The following PCDHA6 variants were observed in gnomAD, a reference collection of about 807,000 sequenced individuals.
The protein encoded by PCDHA6 is protocadherin alpha-6.
In PCDHA6, 55 loss-of-function variants were observed where a neutral mutation model predicts 60.3. The observed-to-expected ratio is 0.91, with a 90% CI of 0.73 to 1.14. PCDHA6 has a LOEUF of 1.14. Among genes scored for constraint, PCDHA6 ranks in the 50% most tolerant of loss-of-function variants. The pLI is 0.00. For synonymous variants in PCDHA6, 652 were observed against 557.9 expected (o/e 1.17, Z -2.38); for missense variants, 1,327 against 1,256.5 (o/e 1.06, Z -0.85).
chr5:140,956,599 G>A (rs782510228), intron 1 of PCDHA6, among the ~76,000 whole-genome samples: 4 of 152,186 alleles, frequency 2.6e-5, no homozygotes, highest in Non-Finnish European at 5.9e-5. Flanking sequence ...AGGGATATCA[G>A]CTGGAAGTTT....
chr5:141,009,178 G>A (rs1233603015), intron 3 of PCDHA6, among the ~76,000 whole-genome samples: 1 of 152,212 alleles, frequency 6.6e-6, no homozygotes, highest in African/African-American at 2.4e-5. Context: ...GCCTTGGCTG[G>A]GTGTGGTAGC....
chr5:140,852,931 T>G (rs1554146230), intron 1 of PCDHA6: 1 of 623,668 alleles, frequency 1.6e-6, no homozygotes, highest in Non-Finnish European at 2.1e-6. Flanking sequence ...CAGGCTGGAG[T>G]GCAGTGGTGC....
At chr5:140,976,833 C>T (rs2096733011) in intron 1 of PCDHA6, among the ~76,000 whole-genome samples, 1 of 152,140 alleles carries the variant, frequency 6.6e-6, no homozygotes, top group Non-Finnish European at 1.5e-5. Flanking sequence ...ATGAGCAAAA[C>T]AGATATAATC....
rs552604909 is a variant in PCDHA6, at chr5:141,005,474, C to T, written c.2543-4153C>T. ...ATCCCAGCACTTTGGGAGGCCGAGACGGGCGGATCATGAGGTCAGGAGATC... is the reference window on the plus strand; with the variant it reads ...ATCCCAGCACTTTGGGAGGCCGAGATGGGCGGATCATGAGGTCAGGAGATC... On this transcript the variant is annotated intron_variant, in intron 3 of 3. Coordinates refer to ENST00000529310, the MANE Select transcript of PCDHA6 (RefSeq NM_018909.4). 1.6e-3 allele frequency among the ~76,000 whole-genome samples: 236 copies of T among 151,848 alleles called. 1 individual carries two copies. The highest frequency in any genetic ancestry group is 4.9e-3 in the African/African-American group (204 of 41,424).
chr5:140,878,047 G>A lies in PCDHA6; in HGVS notation c.2394+47562G>A, dbSNP rs574540860. On this transcript the variant is annotated intron_variant, in intron 1 of 3. Transcript: ENST00000529310. Reference sequence around the variant, plus strand: ...ATGTAGGTACAATGGAGGCCATGGAGCACCACACTTAATATTTTTCTTTTT... The same window carrying A: ...ATGTAGGTACAATGGAGGCCATGGAACACCACACTTAATATTTTTCTTTTT... The A allele has an allele frequency of 1.7e-4, 84 of 491,464 alleles. No homozygotes were observed. In the South Asian group the frequency reaches 4.9e-3, roughly 29 times the overall value. 30.4% of individuals were successfully genotyped at this position (491,464 alleles called of 1,614,324 possible).
chr5:140,876,979 G>T lies in PCDHA6; in HGVS notation c.2394+46494G>T. ...GGTGGAGCGGCGGGTGGGCGAGCAC[G>T]CACTGTCGAGCTACGTGTCGGTGCA... On this transcript the variant is annotated intron_variant, in intron 1 of 3. Transcript: ENST00000529310. The T allele has an allele frequency of 2.5e-6, 4 of 1,612,614 alleles. No homozygotes were observed. The South Asian group carries it at 3.3e-5, about 13-fold the overall frequency.
intron 1 of PCDHA6, among the ~76,000 whole-genome samples, chr5:140,975,953 T>A (rs1554237158): frequency 6.6e-6 from 1 of 152,084 alleles, no homozygotes; most frequent in Non-Finnish European, 1.5e-5. Context: ...CATATTAGAG[T>A]TCTTCACCAA....
At chr5:141,007,974 A>G (rs2098354254) in intron 3 of PCDHA6, among the ~76,000 whole-genome samples, 1 of 152,220 alleles carries the variant, frequency 6.6e-6, no homozygotes, top group Non-Finnish European at 1.5e-5. Flanking sequence ...GGTGTCTGTC[A>G]TGTATATATG....
intron 1 of PCDHA6, among the ~76,000 whole-genome samples, chr5:140,978,727 G>A (rs1382730289): frequency 1.3e-5 from 2 of 152,198 alleles, no homozygotes; most frequent in South Asian, 2.1e-4. Flanking sequence ...TATTAAATCT[G>A]GTCTTCCAGG....
intron 1 of PCDHA6, chr5:140,868,934 G>T: frequency 2.7e-6 from 3 of 1,116,548 alleles, no homozygotes; most frequent in African/African-American, 1.6e-5. Context: ...TTTAAAGGTT[G>T]GTCTGAACAG....
At chr5:140,955,652 A>T (rs1452679583) in intron 1 of PCDHA6, among the ~76,000 whole-genome samples, 2 of 152,180 alleles carry the variant, frequency 1.3e-5, no homozygotes, top group African/African-American at 4.8e-5. Context: ...ATTAATACAC[A>T]TATGAATTTT....
chr5:140,920,456 T>C (rs2079640226), intron 1 of PCDHA6, among the ~76,000 whole-genome samples: 1 of 152,192 alleles, frequency 6.6e-6, no homozygotes, highest in African/African-American at 2.4e-5. Flanking sequence ...AATTGACAAA[T>C]TTGTTATATT....
At chr5:140,946,077 C>T (rs246055) in intron 1 of PCDHA6, among the ~76,000 whole-genome samples, 85,716 of 151,878 alleles carry the variant, frequency 0.56, 24,786 homozygotes, top group African/African-American at 0.69. Context: ...TTGCAAACCA[C>T]AGATCTGATA....
intron 1 of PCDHA6, among the ~76,000 whole-genome samples, chr5:140,898,159 G>A (rs377677002): frequency 1.3e-5 from 2 of 151,916 alleles, no homozygotes; most frequent in South Asian, 2.1e-4. Context: ...CGCTGATGGT[G>A]GTTTCTTTTG....
At chr5:140,856,865 A>G in intron 1 of PCDHA6, 2 of 1,595,810 alleles carry the variant, frequency 1.3e-6, no homozygotes, top group African/African-American at 1.3e-5. Context: ...TGAAGGAATA[A>G]ACAAGGAAAT....
At chr5:141,003,039 T>C (rs2098108520) in intron 3 of PCDHA6, among the ~76,000 whole-genome samples, 1 of 152,216 alleles carries the variant, frequency 6.6e-6, no homozygotes, top group Admixed American at 6.5e-5. Flanking sequence ...AAAGCCCTCC[T>C]GGCCTTAACA....
intron 2 of PCDHA6, among the ~76,000 whole-genome samples, chr5:140,979,246 C>A (rs944063929): frequency 2.0e-5 from 3 of 152,206 alleles, no homozygotes; most frequent in African/African-American, 7.2e-5. Context: ...AAACAGGCTG[C>A]TATGTATTTT....
At chr5:140,836,001 G>T (rs1405342443) in intron 1 of PCDHA6, 5 of 1,613,350 alleles carry the variant, frequency 3.1e-6, no homozygotes, top group African/African-American at 2.7e-5. Flanking sequence ...CGCGCGCGAT[G>T]CGGGCGTGCC....
rs58232896 is a variant in PCDHA6 at position 140,946,262 on chromosome 5, C to T, written c.2395-32687C>T. Among the ~76,000 whole-genome samples the T allele has an allele frequency of 3.4e-3, 520 of 151,790 alleles. 2 individuals are homozygous for T. Among genetic ancestry groups the T allele is most frequent in the African/African-American group, 0.012 (483 of 41,394 alleles). On this transcript the variant is annotated intron_variant, in intron 1 of 3. Transcript: ENST00000529310. Reference sequence around the variant, plus strand: ...AACATCATGAATCATCAGAAAAATGCGAATTAAAACCCCAATGAGATATCA... The same window carrying T: ...AACATCATGAATCATCAGAAAAATGTGAATTAAAACCCCAATGAGATATCA...
Sources: allele counts gnomAD v4.1 joint callset (sites outside exome capture counted in the v4.1 genomes callset), GRCh38; gene constraint gnomAD v4.1.1; transcripts MANE v1.5; gene names NCBI Gene and HGNC (gene_info 2026-07-23, HGNC 2026-07-21).